The following SNRNP40 variants were observed in gnomAD, a reference collection of about 807,000 sequenced individuals.
SNRNP40 encodes the protein U5 small nuclear ribonucleoprotein 40 kDa protein.
In SNRNP40, 21 loss-of-function variants were observed where a neutral mutation model predicts 45.8. The observed-to-expected ratio is 0.46, with a 90% CI of 0.32 to 0.66. The LOEUF (loss-of-function observed/expected upper bound fraction) is 0.66, where lower values mean the gene tolerates loss of function less well. SNRNP40 is among the 30% of genes least tolerant of loss of function. SNRNP40 has a pLI of 0.03. For missense variants in SNRNP40, 344 were observed against 439.1 expected (o/e 0.78, Z 1.94); for synonymous variants, 142 against 163.8 (o/e 0.87, Z 1.01).
At chr1:31,266,138 A>G (rs1645894913) in intron 8 of SNRNP40, among the ~76,000 whole-genome samples, 2 of 152,190 alleles carry the variant, frequency 1.3e-5, no homozygotes, top group East Asian at 3.8e-4. Context: ...AGGAAAAAAA[A>G]AAGTAGACTC....
At chr1:31,293,071 C>T (rs1358411257) in intron 2 of SNRNP40, 148 bp downstream of exon 2, 13 of 762,596 alleles carry the variant, frequency 1.7e-5, no homozygotes, top group Non-Finnish European at 2.5e-5. Flanking sequence ...GATCATTCAG[C>T]ATGTTCATGC....
intron 6 of SNRNP40, 182 bp downstream of exon 6, chr1:31,271,197 A>G (rs1645935386): frequency 1.8e-6 from 1 of 547,022 alleles, no homozygotes; most frequent in Non-Finnish European, 3.1e-6. Context: ...CCTAGAGAGA[A>G]GAAATGCTGT....
chr1:31,277,677 C>T (rs563469679), intron 5 of SNRNP40, among the ~76,000 whole-genome samples: 82 of 152,138 alleles, frequency 5.4e-4, no homozygotes, highest in African/African-American at 1.7e-3. Context: ...TGTTTGTGGA[C>T]GGATTAAACG....
chr1:31,267,992 C>G, intron 7 of SNRNP40, 60 bp from the exon 8 acceptor site: 1 of 1,182,296 alleles, frequency 8.5e-7, no homozygotes, highest in Non-Finnish European at 1.3e-6. Flanking sequence ...GCAAGGCTAC[C>G]GAATCACTAA....
intron 4 of SNRNP40, among the ~76,000 whole-genome samples, chr1:31,288,036 A>G (rs1349968855): frequency 6.6e-6 from 1 of 151,308 alleles, no homozygotes; most frequent in African/African-American, 2.4e-5. Context: ...GGTGGTGTGC[A>G]CCTGTAATCC....
chr1:31,266,411 G>A (rs562655308), intron 8 of SNRNP40, among the ~76,000 whole-genome samples: 1 of 152,254 alleles, frequency 6.6e-6, no homozygotes, highest in Admixed American at 6.5e-5. Context: ...CACAGGATTT[G>A]CTGTCAGAGG....
At chr1:31,261,320 AC>A in intron 9 of SNRNP40, 1 of 556,626 alleles carries the variant, frequency 1.8e-6, no homozygotes, top group Non-Finnish European at 3.2e-6. Context: ...CATTGCTCCA[AC>A]CTGGGCAAAA....
chr1:31,296,754 C>A lies in SNRNP40; in HGVS notation c.-3G>T. The A allele has an allele frequency of 3.1e-6, 5 of 1,595,906 alleles. No individual in the cohort carries two copies. The highest frequency in any genetic ancestry group is 1.7e-4 in the Middle Eastern group (1 of 5,992). On this transcript the variant is annotated 5_prime_UTR_variant, in exon 1 of 10. Coordinates refer to ENST00000263694, the MANE Select transcript of SNRNP40 (RefSeq NM_004814.3). ...TTACGCTTCTGCTGTTCTATCATGG[C>A]GGCAACCGGTCTCTTCAGCGCCGCC...
chr1:31,284,511 ACAGAGAGGGCT>A (rs2148388505), intron 4 of SNRNP40, among the ~76,000 whole-genome samples: 1 of 152,332 alleles, frequency 6.6e-6, no homozygotes, highest in South Asian at 2.1e-4. Context: ...CGTGGATAAC[ACAGAGAGGGCT>A]CAGAGATGTT....
chr1:31,283,237 T>C (rs750611350), intron 4 of SNRNP40, among the ~76,000 whole-genome samples: 4 of 152,180 alleles, frequency 2.6e-5, no homozygotes, highest in Non-Finnish European at 4.4e-5. Context: ...AGCTGACCAC[T>C]AAGCTAACGA....
At chr1:31,292,505 C>T (rs1461489731) in intron 2 of SNRNP40, among the ~76,000 whole-genome samples, 1 of 152,154 alleles carries the variant, frequency 6.6e-6, no homozygotes, top group Non-Finnish European at 1.5e-5. Flanking sequence ...GATCATAGAG[C>T]CGGAACATCC....
At chr1:31,285,428 A>G (rs1033578901) in intron 4 of SNRNP40, among the ~76,000 whole-genome samples, 3 of 151,972 alleles carry the variant, frequency 2.0e-5, no homozygotes, top group African/African-American at 7.3e-5. Context: ...TAGTAGAGAC[A>G]GGGTTTCTTC....
intron 9 of SNRNP40, chr1:31,261,043 C>T (rs1002185219): frequency 2.0e-5 from 26 of 1,280,852 alleles, no homozygotes; most frequent in Admixed American, 1.6e-4. Context: ...TTGATACCCA[C>T]ATAAAGACTG....
chr1:31,267,228 A>G (rs1408689865), intron 8 of SNRNP40, among the ~76,000 whole-genome samples: 2 of 152,160 alleles, frequency 1.3e-5, no homozygotes, highest in African/African-American at 2.4e-5. Flanking sequence ...GTGGGTATTT[A>G]ATATGTGTTC....
intron 8 of SNRNP40, among the ~76,000 whole-genome samples, chr1:31,262,809 G>T (rs1038866687): frequency 6.6e-6 from 1 of 151,918 alleles, no homozygotes; most frequent in Admixed American, 6.6e-5. Context: ...AGGAGCTTGA[G>T]ACCAGCTTGG....
chr1:31,272,637 C>T (rs2148383281), intron 5 of SNRNP40, among the ~76,000 whole-genome samples: 1 of 152,238 alleles, frequency 6.6e-6, no homozygotes, highest in East Asian at 1.9e-4. Context: ...TATAAGAATG[C>T]TTAGCATATG....
chr1:31,291,362 T>C (rs1646106520), intron 3 of SNRNP40, among the ~76,000 whole-genome samples: 1 of 152,138 alleles, frequency 6.6e-6, no homozygotes, highest in Non-Finnish European at 1.5e-5. Context: ...TTCTGCTTTT[T>C]TTGGTTTCTC....
chr1:31,271,627 T>C, intron 5 of SNRNP40, 128 bp from the exon 6 acceptor site: 1 of 937,190 alleles, frequency 1.1e-6, no homozygotes, highest in Admixed American at 2.8e-5. Flanking sequence ...AGGATTTCTG[T>C]CAAAGAGAAA....
At chr1:31,296,579 G>C in intron 1 of SNRNP40, 32 bp downstream of exon 1, 2 of 1,588,500 alleles carry the variant, frequency 1.3e-6, no homozygotes, top group Non-Finnish European at 1.7e-6. Flanking sequence ...AAGATGAGCT[G>C]AGGGCCAAAG....
Sources: allele counts gnomAD v4.1 joint callset (sites outside exome capture counted in the v4.1 genomes callset), GRCh38; gene constraint gnomAD v4.1.1; transcripts MANE v1.5; gene names NCBI Gene and HGNC (gene_info 2026-07-23, HGNC 2026-07-21).